The following FUT8 variants were observed in gnomAD, a reference collection of about 807,000 sequenced individuals.
FUT8 encodes alpha-(1,6)-fucosyltransferase.
Under a neutral mutation model 71.3 loss-of-function variants are expected in FUT8, and 29 were observed. The observed-to-expected ratio is 0.41, with a 90% confidence interval of 0.30 to 0.55. The LOEUF (loss-of-function observed/expected upper bound fraction) is 0.55, where lower values mean the gene tolerates loss of function less well. Among genes scored for constraint, FUT8 ranks in the 20% least tolerant of loss-of-function variants. FUT8 has a pLI of 0.34. For missense variants in FUT8, 544 were observed against 702.1 expected (o/e 0.77, Z 2.55); for synonymous variants, 254 against 239.3 (o/e 1.06, Z -0.57).
At chr14:65,375,292 C>G in the FUT8 span, among the ~76,000 whole-genome samples, 19 of 152,274 alleles carry the variant, frequency 1.2e-4, no homozygotes, top group African/African-American at 4.6e-4. Flanking sequence ...TCAGGCTGAT[C>G]ACCATAGTTA....
chr14:65,587,593 A>G (rs901182707), intron 3 of FUT8, among the ~76,000 whole-genome samples: 1 of 152,250 alleles, frequency 6.6e-6, no homozygotes, highest in African/African-American at 2.4e-5. Context: ...TATGAATAAA[A>G]TTATATTGTC....
Position 65,444,901 on chromosome 14 carries a change from ATGT to A in FUT8, c.-325-10715_-325-10713del, listed in dbSNP as rs752915564. The stretch of plus-strand genomic sequence containing the variant: ...TGGGGGAGCCCTCACAAATGGATTA[ATGT>A]TGTTATAAAAAGGGCTTGCGGCCGG... On this transcript the variant is annotated intron_variant, in intron 1 of 10. Transcript: ENST00000673929. Among the ~76,000 whole-genome samples, 119 of 152,222 alleles carry A rather than the reference ATGT, an allele frequency of 7.8e-4. No homozygotes were observed. In the Middle Eastern group the frequency reaches 0.017, roughly 22 times the overall value.
At chr14:65,620,645 T>C (rs1301331632) in intron 5 of FUT8, among the ~76,000 whole-genome samples, 1 of 152,180 alleles carries the variant, frequency 6.6e-6, no homozygotes, top group Non-Finnish European at 1.5e-5. Flanking sequence ...AACCTTCTAT[T>C]CTTTGTGTTT....
intron 3 of FUT8, among the ~76,000 whole-genome samples, chr14:65,565,828 T>C (rs7147002): frequency 0.7 from 106,069 of 151,468 alleles, 37,439 homozygotes; most frequent in East Asian, 0.9. Context: ...TGTTTATTCA[T>C]TTCACCAAAG....
chr14:65,382,467 C>G, the FUT8 span, among the ~76,000 whole-genome samples: 1 of 152,124 alleles, frequency 6.6e-6, no homozygotes, highest in Non-Finnish European at 1.5e-5. Flanking sequence ...CTCCGAGTAG[C>G]TGGGACTATA....
At chr14:65,429,707 T>G (rs188418311) in intron 1 of FUT8, among the ~76,000 whole-genome samples, 6 of 151,568 alleles carry the variant, frequency 4.0e-5, no homozygotes, top group Admixed American at 3.3e-4. Context: ...TACAAATAAT[T>G]AAAAAATCAG....
At chr14:65,380,993 C>T in the FUT8 span, among the ~76,000 whole-genome samples, 2 of 152,220 alleles carry the variant, frequency 1.3e-5, no homozygotes, top group Non-Finnish European at 2.9e-5. Flanking sequence ...TCCACTGAGC[C>T]TCCACAATTG....
At chr14:65,359,673 TA>T in the FUT8 span, among the ~76,000 whole-genome samples, 1 of 152,238 alleles carries the variant, frequency 6.6e-6, no homozygotes, top group East Asian at 1.9e-4. Context: ...CCTTCCCTTT[TA>T]AGGCTGAATA....
chr14:65,529,071 A>G (rs139418921), intron 2 of FUT8: 5 of 162,992 alleles, frequency 3.1e-5, no homozygotes, highest in African/African-American at 1.2e-4. Flanking sequence ...TTTTTTCTCA[A>G]TTTTCCTCTC....
chr14:65,677,114 T>TTGTGTGTGTGTGTGTGTGTGTG (rs1555383258), intron 7 of FUT8, among the ~76,000 whole-genome samples: 10 of 110,212 alleles, frequency 9.1e-5, no homozygotes, highest in East Asian at 3.6e-4. Flanking sequence ...AAAGACATAT[T>TTGTGTGTGTGTGTGTGTGTGTG]TGTGTGTGTG....
At chr14:65,640,114 C>G (rs1890757417) in intron 6 of FUT8, among the ~76,000 whole-genome samples, 1 of 151,552 alleles carries the variant, frequency 6.6e-6, no homozygotes, top group Non-Finnish European at 1.5e-5. Context: ...ATTAGTGTGG[C>G]CTGACTTGAA....
chr14:65,401,240 A>G, the FUT8 span, among the ~76,000 whole-genome samples: 1 of 152,236 alleles, frequency 6.6e-6, no homozygotes. Flanking sequence ...CTATGAGTGA[A>G]TATTGGAGAG....
At chr14:65,415,618 C>T (rs1258909851) in intron 1 of FUT8, among the ~76,000 whole-genome samples, 38 of 150,682 alleles carry the variant, frequency 2.5e-4, no homozygotes, top group Non-Finnish European at 1.8e-4. Flanking sequence ...CAAGTAGAAT[C>T]TTATATGGGC....
chr14:65,450,806 AC>A (rs1467306995), intron 1 of FUT8, among the ~76,000 whole-genome samples: 1 of 150,486 alleles, frequency 6.6e-6, no homozygotes, highest in African/African-American at 2.4e-5. Flanking sequence ...TATTTCCCTG[AC>A]TCCTTTGTGG....
the FUT8 span, among the ~76,000 whole-genome samples, chr14:65,395,332 G>T: frequency 6.6e-6 from 1 of 152,226 alleles, no homozygotes; most frequent in Non-Finnish European, 1.5e-5. Context: ...CTGTGTGGGG[G>T]CTTCAACCCC....
chr14:65,609,573 AT>A (rs1468580529), intron 3 of FUT8, among the ~76,000 whole-genome samples: 2 of 151,920 alleles, frequency 1.3e-5, no homozygotes, highest in African/African-American at 4.8e-5. Context: ...GTGTGGGCCT[AT>A]TCCCGGACTC....
intron 5 of FUT8, among the ~76,000 whole-genome samples, chr14:65,620,148 T>TA (rs970738858): frequency 2.7e-5 from 3 of 112,396 alleles, no homozygotes; most frequent in East Asian, 1.2e-3. Flanking sequence ...AATTACCATA[T>TA]TTTTTTTAAA....
At chr14:65,548,485 A>G (rs191387076) in intron 2 of FUT8, among the ~76,000 whole-genome samples, 85 of 151,124 alleles carry the variant, frequency 5.6e-4, no homozygotes, top group Admixed American at 1.1e-3. Flanking sequence ...GTTGAAGGCC[A>G]TCTTGATTTT....
At chr14:65,421,922 G>A (rs1230752466) in intron 1 of FUT8, among the ~76,000 whole-genome samples, 1 of 151,874 alleles carries the variant, frequency 6.6e-6, no homozygotes, top group African/African-American at 2.4e-5. Flanking sequence ...CTTCTTCAGT[G>A]GTGTAATCCT....
Sources: gnomAD v4.1 joint callset for allele counts (sites outside exome capture counted in the v4.1 genomes callset) on GRCh38, gnomAD v4.1.1 for gene constraint, MANE v1.5 for transcripts, NCBI Gene and HGNC (gene_info 2026-07-23, HGNC 2026-07-21) for gene names.